POU2F1: variants seen among roughly 807,000 people sequenced by gnomAD.
POU2F1 encodes the protein POU domain, class 2, transcription factor 1.
A neutral mutation model predicts 84.9 loss-of-function variants in POU2F1; 16 were observed. The ratio of observed to expected loss-of-function variants is 0.19; its 90% CI spans 0.13 to 0.29. POU2F1 has a LOEUF of 0.29. Ranked by LOEUF, POU2F1 falls within the 10% of genes least tolerant of loss-of-function variation. The pLI, the probability that POU2F1 is intolerant of heterozygous loss-of-function variation, is 1.00. For synonymous variants in POU2F1, 368 were observed against 368.3 expected, an observed-to-expected ratio of 1.00 and a Z score of 0.01; for missense variants, 738 against 942.6, an observed-to-expected ratio of 0.78 and a Z score of 2.84.
chr1:167,310,774 A>T (rs1184024237), intron 1 of POU2F1, among the ~76,000 whole-genome samples: 1 of 152,216 alleles, frequency 6.6e-6, no homozygotes, highest in Non-Finnish European at 1.5e-5. Context: ...AAAAATGTGG[A>T]GTCTGAGCAA....
At chr1:167,340,543 C>T (rs553075023) in intron 2 of POU2F1, among the ~76,000 whole-genome samples, 9 of 151,098 alleles carry the variant, frequency 6.0e-5, no homozygotes, top group South Asian at 4.2e-4. Flanking sequence ...GAAGTTCTCC[C>T]GCCTCAGCCT....
At chr1:167,395,785 TG>T (rs1436114514) in intron 9 of POU2F1, among the ~76,000 whole-genome samples, 7 of 152,008 alleles carry the variant, frequency 4.6e-5, no homozygotes, top group Non-Finnish European at 7.4e-5. Context: ...TTGTATTTTT[TG>T]TAGATGTTTT....
At chr1:167,279,922 T>G (rs1652997926) in intron 1 of POU2F1, among the ~76,000 whole-genome samples, 1 of 152,122 alleles carries the variant, frequency 6.6e-6, no homozygotes, top group Admixed American at 6.5e-5. Context: ...AACCATATTG[T>G]TGGCAGGGCA....
intron 1 of POU2F1, among the ~76,000 whole-genome samples, chr1:167,330,646 G>C (rs945321572): frequency 6.6e-6 from 1 of 152,048 alleles, no homozygotes; most frequent in Non-Finnish European, 1.5e-5. Flanking sequence ...ATTTTTGTGT[G>C]TATGTGAGAT....
intron 1 of POU2F1, among the ~76,000 whole-genome samples, chr1:167,285,669 C>G (rs1022730940): frequency 6.6e-6 from 1 of 152,080 alleles, no homozygotes; most frequent in African/African-American, 2.4e-5. Context: ...TATCAGAGTT[C>G]AAGCCCAGTT....
intron 1 of POU2F1, among the ~76,000 whole-genome samples, chr1:167,239,762 T>A (rs1307139763): frequency 6.6e-6 from 1 of 152,176 alleles, no homozygotes; most frequent in Non-Finnish European, 1.5e-5. Context: ...CCAGATGGTG[T>A]TGGGACAGTT....
chr1:167,263,395 C>T (rs1033022668), intron 1 of POU2F1, among the ~76,000 whole-genome samples: 15 of 152,062 alleles, frequency 9.9e-5, no homozygotes, highest in Non-Finnish European at 1.8e-4. Context: ...TAGCATATGC[C>T]TGTAATCCCA....
chr1:167,347,121 A>G (rs1055025419), intron 2 of POU2F1, among the ~76,000 whole-genome samples: 1 of 152,186 alleles, frequency 6.6e-6, no homozygotes, highest in South Asian at 2.1e-4. Flanking sequence ...ATTATTTCCT[A>G]TAGGGTGTCG....
intron 2 of POU2F1, among the ~76,000 whole-genome samples, chr1:167,360,031 TC>T (rs1659249732): frequency 6.6e-6 from 1 of 152,054 alleles, no homozygotes; most frequent in African/African-American, 2.4e-5. Flanking sequence ...AAGTTTTTTT[TC>T]TTGTTGATTT....
At chr1:167,361,383 A>T (rs930153570) in intron 2 of POU2F1, among the ~76,000 whole-genome samples, 3 of 152,170 alleles carry the variant, frequency 2.0e-5, no homozygotes, top group Admixed American at 1.3e-4. Context: ...TTTATTATAA[A>T]GGGATGTTAG....
At chr1:167,289,186 C>T (rs531080385) in intron 1 of POU2F1, among the ~76,000 whole-genome samples, 10 of 152,148 alleles carry the variant, frequency 6.6e-5, no homozygotes, top group African/African-American at 2.4e-4. Flanking sequence ...GAAATAGTTT[C>T]TTTGAAGTTT....
intron 1 of POU2F1, among the ~76,000 whole-genome samples, chr1:167,259,441 T>C (rs1651385583): frequency 6.6e-6 from 1 of 152,238 alleles, no homozygotes; most frequent in Non-Finnish European, 1.5e-5. Flanking sequence ...TGAATAAATA[T>C]GCCACAGTTG....
In POU2F1 at chr1:167,396,438, G is replaced by A. The variant is rs757579977; in HGVS notation, c.1129+11G>A. 8 of 1,608,892 alleles carry A rather than the reference G, an allele frequency of 5.0e-6. No homozygotes were observed. The East Asian group carries it at 6.7e-5, about 13-fold the overall frequency. ...GGCTAAATGATGCAGGTAAGTGACTGTATAAGACATTTCTTTGTCATTCAT... is the reference window on the plus strand; with the variant it reads ...GGCTAAATGATGCAGGTAAGTGACTATATAAGACATTTCTTTGTCATTCAT... On this transcript the variant is annotated intron_variant, in intron 10 of 15. Coordinates refer to ENST00000367866, the MANE Select transcript of POU2F1 (RefSeq NM_002697.4).
At chr1:167,407,766 A>G (rs992628696) in intron 13 of POU2F1, among the ~76,000 whole-genome samples, 2 of 152,226 alleles carry the variant, frequency 1.3e-5, no homozygotes, top group African/African-American at 4.8e-5. Flanking sequence ...AAATGGATCA[A>G]AGGCCTAAAT....
At chr1:167,321,980 T>C (rs1162526432) in intron 1 of POU2F1, among the ~76,000 whole-genome samples, 1 of 152,194 alleles carries the variant, frequency 6.6e-6, no homozygotes, top group East Asian at 1.9e-4. Context: ...CCCTTCACAA[T>C]GCAAAATATA....
intron 1 of POU2F1, among the ~76,000 whole-genome samples, chr1:167,270,920 C>T (rs754719472): frequency 3.3e-5 from 5 of 152,102 alleles, no homozygotes; most frequent in Admixed American, 6.5e-5. Context: ...TCTGAAAGCT[C>T]TACAGCAGAG....
intron 7 of POU2F1, chr1:167,380,747 T>A (rs1647476967): frequency 6.6e-6 from 1 of 152,224 alleles, no homozygotes; most frequent in Non-Finnish European, 1.5e-5. Context: ...TGGAATTCTG[T>A]TTTCCCTTGT....
intron 1 of POU2F1, among the ~76,000 whole-genome samples, chr1:167,258,106 C>T (rs931611488): frequency 6.6e-6 from 1 of 152,072 alleles, no homozygotes; most frequent in Non-Finnish European, 1.5e-5. Context: ...TGTGTGTCAC[C>T]GCTGAGATGT....
chr1:167,349,049 T>C (rs1161891292), intron 2 of POU2F1, among the ~76,000 whole-genome samples: 1 of 152,186 alleles, frequency 6.6e-6, no homozygotes, highest in East Asian at 1.9e-4. Context: ...AATATGACTT[T>C]GTAACCCTAG....
Sources: allele counts gnomAD v4.1 joint callset (sites outside exome capture counted in the v4.1 genomes callset), GRCh38; gene constraint gnomAD v4.1.1; transcripts MANE v1.5; gene names NCBI Gene and HGNC (gene_info 2026-07-23, HGNC 2026-07-21).